SNX29: variants seen among roughly 807,000 people sequenced by gnomAD.
SNX29 encodes sorting nexin-29.
In SNX29, 78 loss-of-function variants were observed where a neutral mutation model predicts 102.1. The observed-to-expected ratio is 0.76, with a 90% CI of 0.64 to 0.92. The LOEUF is 0.92. Ranked by LOEUF, SNX29 falls within the 40% of genes least tolerant of loss-of-function variation. The pLI, the probability that SNX29 is intolerant of heterozygous loss-of-function variation, is 0.00. For missense variants in SNX29, 1,280 were observed against 1,061.7 expected (o/e 1.21, Z -2.86); for synonymous variants, 580 against 414.5 (o/e 1.40, Z -4.85).
intron 14 of SNX29, among the ~76,000 whole-genome samples, chr16:12,277,568 A>T (rs928824491): frequency 1.3e-5 from 2 of 152,258 alleles, no homozygotes; most frequent in Non-Finnish European, 1.5e-5. Context: ...TTAAAAATAC[A>T]GCTTATCGCT....
chr16:12,415,677 G>A (rs1006646357), intron 18 of SNX29, among the ~76,000 whole-genome samples: 3 of 152,098 alleles, frequency 2.0e-5, no homozygotes, highest in Admixed American at 2.0e-4. Flanking sequence ...AGGGGAGGAA[G>A]TGAGGCCTGG....
intron 19 of SNX29, among the ~76,000 whole-genome samples, chr16:12,522,571 GT>G (rs1363277567): frequency 2.6e-5 from 4 of 152,168 alleles, no homozygotes; most frequent in Non-Finnish European, 5.9e-5. Context: ...CCTCCTTGCT[GT>G]TCTCATGACA....
At chr16:12,308,014 AT>A (rs1260130151) in intron 15 of SNX29, among the ~76,000 whole-genome samples, 1 of 152,204 alleles carries the variant, frequency 6.6e-6, no homozygotes, top group Non-Finnish European at 1.5e-5. Flanking sequence ...CCCATCCCTC[AT>A]TCTGCCTTCA....
chr16:12,380,993 C>T (rs1265562538), intron 16 of SNX29, among the ~76,000 whole-genome samples: 2 of 128,588 alleles, frequency 1.6e-5, no homozygotes, highest in Non-Finnish European at 1.7e-5. Flanking sequence ...ATCCATCCAC[C>T]CACCCACCAT....
At chr16:12,463,581 G>A (rs923490322) in intron 18 of SNX29, among the ~76,000 whole-genome samples, 7 of 152,072 alleles carry the variant, frequency 4.6e-5, no homozygotes, top group East Asian at 3.8e-4. Context: ...ATCTCCCACC[G>A]GGCCCCTCCC....
chr16:12,377,255 G>A (rs12595990), intron 16 of SNX29, among the ~76,000 whole-genome samples: 51,359 of 152,096 alleles, frequency 0.34, 13,893 homozygotes, highest in African/African-American at 0.72. Context: ...TAAGAATCCC[G>A]TAATGTCCTG....
At chr16:12,324,820 G>A (rs1005233136) in intron 15 of SNX29, among the ~76,000 whole-genome samples, 1 of 152,040 alleles carries the variant, frequency 6.6e-6, no homozygotes, top group African/African-American at 2.4e-5. Context: ...GCTGAAAACC[G>A]AAACCTCCCA....
chr16:12,080,690 TA>T lies in SNX29; in HGVS notation c.1402+1776del, dbSNP rs2051825085. Among the ~76,000 whole-genome samples the T allele has an allele frequency of 2.8e-5, 4 of 143,848 alleles. No individual in the cohort carries two copies. In the South Asian group the frequency reaches 8.9e-4, roughly 32 times the overall value. The allele number at this position is 143,848 out of a possible 152,430, so 94.4% of individuals were successfully genotyped here. On this transcript the variant is annotated intron_variant, in intron 11 of 20. Coordinates refer to ENST00000566228, the MANE Select transcript of SNX29 (RefSeq NM_032167.5). ...CCACCGTGCCCGGCCTACTACAGTTTACTTTTTTTTTTTTTTTTGAGACAGA... is the reference window on the plus strand; with the variant it reads ...CCACCGTGCCCGGCCTACTACAGTTTCTTTTTTTTTTTTTTTTGAGACAGA...
chr16:12,150,690 C>T (rs758767054), intron 13 of SNX29, among the ~76,000 whole-genome samples: 2 of 152,196 alleles, frequency 1.3e-5, no homozygotes, highest in Non-Finnish European at 2.9e-5. Flanking sequence ...TTTGTAATTG[C>T]CACGGTCACA....
intron 20 of SNX29, among the ~76,000 whole-genome samples, chr16:12,540,259 A>G (rs1480099045): frequency 6.6e-6 from 1 of 152,126 alleles, no homozygotes; most frequent in Non-Finnish European, 1.5e-5. Context: ...CCCCAGCGTA[A>G]GGTCAAGTGG....
At chr16:12,539,396 T>A (rs778158361) in intron 20 of SNX29, among the ~76,000 whole-genome samples, 1 of 152,164 alleles carries the variant, frequency 6.6e-6, no homozygotes, top group East Asian at 1.9e-4. Flanking sequence ...TCAGCATGTG[T>A]GAGAACCGTC....
intron 18 of SNX29, among the ~76,000 whole-genome samples, chr16:12,451,772 C>T (rs1199963208): frequency 6.6e-6 from 1 of 152,136 alleles, no homozygotes; most frequent in East Asian, 1.9e-4. Context: ...GCTGAGGCAG[C>T]AGAATCGCTT....
intron 1 of SNX29, among the ~76,000 whole-genome samples, chr16:11,992,767 G>A (rs1007080971): frequency 2.0e-5 from 3 of 152,226 alleles, no homozygotes; most frequent in African/African-American, 4.8e-5. Context: ...TTCTTTTCTC[G>A]CTTGTACCTG....
At chr16:12,483,950 C>G (rs191879388) in intron 19 of SNX29, among the ~76,000 whole-genome samples, 1 of 152,316 alleles carries the variant, frequency 6.6e-6, no homozygotes, top group Admixed American at 6.5e-5. Flanking sequence ...AGGAGTCACT[C>G]CAGATGTTAG....
chr16:12,516,655 C>T (rs1443658064), intron 19 of SNX29, among the ~76,000 whole-genome samples: 2 of 152,074 alleles, frequency 1.3e-5, no homozygotes, highest in Non-Finnish European at 2.9e-5. Context: ...CTGCTACTCC[C>T]GATAGACAAG....
chr16:11,989,043 G>A (rs2055742015), intron 1 of SNX29, among the ~76,000 whole-genome samples: 1 of 152,028 alleles, frequency 6.6e-6, no homozygotes, highest in Non-Finnish European at 1.5e-5. Flanking sequence ...TGTAATCTCA[G>A]CTTATTGCAA....
chr16:12,512,502 C>T (rs210708), intron 19 of SNX29, among the ~76,000 whole-genome samples: 4,418 of 149,686 alleles, frequency 0.03, 154 homozygotes, highest in East Asian at 0.17. Context: ...CAGCCTTGAC[C>T]TCCCATGCTC....
At chr16:12,013,540 T>TCG (rs2056747910) in intron 3 of SNX29, among the ~76,000 whole-genome samples, 1 of 112,698 alleles carries the variant, frequency 8.9e-6, no homozygotes, top group Non-Finnish European at 1.8e-5. Context: ...TATATATATA[T>TCG]ATCGAGAGAG....
chr16:12,163,144 A>T (rs1470869737), intron 13 of SNX29, among the ~76,000 whole-genome samples: 2 of 152,150 alleles, frequency 1.3e-5, no homozygotes, highest in African/African-American at 4.8e-5. Context: ...GGCCTCCCAA[A>T]GTCCTGGGAT....
Sources: gnomAD v4.1 joint callset for allele counts (sites outside exome capture counted in the v4.1 genomes callset) on GRCh38, gnomAD v4.1.1 for gene constraint, MANE v1.5 for transcripts, NCBI Gene and HGNC (gene_info 2026-07-23, HGNC 2026-07-21) for gene names.